ZNF687: variants seen among roughly 807,000 people sequenced by gnomAD.
ZNF687 encodes the protein zinc finger protein 687.
ZNF687 carries 13 observed loss-of-function variants against 71.8 expected under a neutral mutation model. That is an observed-to-expected ratio of 0.18 (90% CI 0.12 to 0.29). The LOEUF is 0.29. Ranked by LOEUF, ZNF687 falls within the 10% of genes least tolerant of loss-of-function variation. ZNF687 has a pLI of 1.00. For missense variants in ZNF687, 1,412 were observed against 1,625.6 expected, an observed-to-expected ratio of 0.87 and a Z score of 2.26; for synonymous variants, 673 against 641.6, an observed-to-expected ratio of 1.05 and a Z score of -0.74.
upstream of ZNF687, chr1:151,282,007 C>T (rs775854111): frequency 8.0e-7 from 1 of 1,242,926 alleles, no homozygotes; most frequent in Non-Finnish European, 1.1e-6. Context: ...TTCTAAGCGA[C>T]AGTGGCGGAG....
In ZNF687 at chr1:151,289,899, C is replaced by G. The variant is rs1694132683; in HGVS notation, c.2856C>G (p.Gly952=). 3.8e-6 allele frequency: 6 copies of G among 1,558,490 alleles called. No homozygotes were observed. The highest frequency in any genetic ancestry group is 5.2e-6 in the Non-Finnish European group (6 of 1,149,542). ...KRPRRELGSK[G]LKGGGGGPGG... ...CTCGGCGGGAACTAGGGAGCAAAGGCCTCAAGGGTGGGGGTGGGGGGCCTG... is the reference window on the plus strand; with the variant it reads ...CTCGGCGGGAACTAGGGAGCAAAGGGCTCAAGGGTGGGGGTGGGGGGCCTG... Residue 952 remains glycine (G), a synonymous_variant, in exon 6 of 9, where the codon GGC becomes GGG. Coordinates refer to ENST00000336715, the MANE Select transcript of ZNF687 (RefSeq NM_020832.3).
chr1:151,282,474 C>G (rs1347522384), intron 1 of ZNF687, 79 bp downstream of exon 1: 22 of 949,900 alleles, frequency 2.3e-5, no homozygotes, highest in Middle Eastern at 5.4e-4. Context: ...GCCCCTCCCC[C>G]ACTTGGTCAA....
rs1476000146 is a variant in ZNF687, at chr1:151,290,523, T to G, written c.3169T>G (p.Ser1057Ala). The change falls in exon 8 of 9, where the codon TCC becomes GCC. Residue 1057 changes from serine to alanine, a missense_variant. Ser to Ala is a moderately conservative substitution (Grantham distance 99). This residue lies in a region of ZNF687 where 284 missense variants were observed against 359.2 expected (regional missense o/e 0.79). Coordinates refer to ENST00000336715, the MANE Select transcript of ZNF687 (RefSeq NM_020832.3). ...VRHGLQLGAQSPGRGTTLARG... is the reference protein window; with the variant it reads ...VRHGLQLGAQAPGRGTTLARG... ...GCACGGCTTGCAGCTTGGGGCCCAG[T>G]CCCCTGGCCGGGGGACCACCTTGGC... 6.2e-7 allele frequency: 1 copy of G among 1,613,640 alleles called. No homozygotes were observed. Among genetic ancestry groups the G allele is most frequent in the Non-Finnish European group, 8.5e-7 (1 of 1,179,938 alleles).
At position 151,286,930 on chromosome 1, in the gene ZNF687, T is replaced by G; in HGVS notation, c.639T>G (p.Val213=). The change falls in exon 2 of 9, where the codon GTT becomes GTG. Residue 213 remains valine, a synonymous_variant. Transcript: ENST00000336715. ...QENGPGMQPP[V]SSPPLGALKQ... is the part of the protein sequence containing the mutation. ...ATGGCCCAGGCATGCAGCCACCTGTTTCTTCCCCACCATTGGGGGCCTTGA... is the reference window on the plus strand; with the variant it reads ...ATGGCCCAGGCATGCAGCCACCTGTGTCTTCCCCACCATTGGGGGCCTTGA... The G allele has an allele frequency of 6.2e-7, 1 of 1,612,708 alleles. No homozygotes were observed. The highest frequency in any genetic ancestry group is 1.1e-5 in the South Asian group (1 of 90,894).
At chr1:151,284,347 G>A (rs1693855822) in intron 1 of ZNF687, 1 of 827,332 alleles carries the variant, frequency 1.2e-6, no homozygotes, top group African/African-American at 1.8e-5. Flanking sequence ...GGAGGGCCAG[G>A]CACTCTGGGG....
At chr1:151,283,346 C>T in intron 1 of ZNF687, 1 of 973,706 alleles carries the variant, frequency 1.0e-6, no homozygotes, top group African/African-American at 1.8e-5. Flanking sequence ...TCGACCTGGG[C>T]CTGTTCAGCC....
At chr1:151,282,509 C>A in intron 1 of ZNF687, 114 bp downstream of exon 1, 1 of 785,110 alleles carries the variant, frequency 1.3e-6, no homozygotes, top group Non-Finnish European at 1.5e-6. Context: ...GCGCCGCCCC[C>A]TGGGGCGGCT....
In ZNF687 at chr1:151,287,686, G is replaced by A; in HGVS notation, c.1395G>A (p.Val465=). 6.2e-7 allele frequency: 1 copy of A among 1,613,598 alleles called. No homozygotes were observed. The highest frequency in any genetic ancestry group is 1.1e-5 in the South Asian group (1 of 91,040). Residue 465 remains valine (V), a synonymous_variant, in exon 2 of 9, where the codon GTG becomes GTA. Transcript: ENST00000336715. The surrounding 1 kb of genome is among the most constrained non-coding windows in gnomAD (Gnocchi z 5.0). ...RAGLGTGGQK[V]NGASVVMVQP... ...GGCTGGGGACTGGGGGACAGAAGGTGAATGGTGCCTCGGTGGTGATGGTGC... is the reference window on the plus strand; with the variant it reads ...GGCTGGGGACTGGGGGACAGAAGGTAAATGGTGCCTCGGTGGTGATGGTGC...
In ZNF687 at chr1:151,287,451, G is replaced by A; in HGVS notation, c.1160G>A (p.Ser387Asn). ...ACTTCTGAGGGTCCAAAGGTGGTGA[G>A]CGTACAGTTGGGTGATGGTACAAGG... is the stretch of plus-strand genomic sequence containing the variant. ...TPTSEGPKVV[S>N]VQLGDGTRLK... The change falls in exon 2 of 9, where the codon AGC becomes AAC. Residue 387 changes from serine to asparagine, a missense_variant. Around this residue, in one of 8 missense-constraint regions of ZNF687, gnomAD observed 490 missense variants for 489.9 expected, o/e 1.00. Transcript: ENST00000336715. This position sits in a 1 kb window ranked among gnomAD's most constrained non-coding sequence, Gnocchi z 5.0. 1 of 1,614,192 alleles carries A rather than the reference G, an allele frequency of 6.2e-7. No homozygotes were observed. The highest frequency in any genetic ancestry group is 1.1e-5 in the South Asian group (1 of 91,082).
intron 1 of ZNF687, 51 bp downstream of exon 1, chr1:151,282,446 G>T: frequency 1.0e-6 from 1 of 983,310 alleles, no homozygotes; most frequent in Non-Finnish European, 1.2e-6. Context: ...CCCTTGGGGG[G>T]GGCGGGTAAA....
chr1:151,288,077 C>T lies in ZNF687; in HGVS notation c.1786C>T (p.His596Tyr). 1.2e-6 allele frequency: 2 copies of T among 1,614,052 alleles called. No homozygotes were observed. Among genetic ancestry groups the T allele is most frequent in the Non-Finnish European group, 1.7e-6 (2 of 1,180,048 alleles). ...KDKGLVMQCS[H>Y]LVMRPVALDQ... ...CAAGGGGCTCGTCATGCAGTGCTCA[C>T]ATTTGGTCATGAGGCCTGTAGCCCT... The change falls in exon 2 of 9, where the codon CAT (histidine) becomes TAT (tyrosine). Residue 596 changes from histidine to tyrosine, a missense_variant. His to Tyr is a moderately conservative substitution (Grantham distance 83, BLOSUM62 2). This residue lies in a region of ZNF687 where 207 missense variants were observed against 239.2 expected (regional missense o/e 0.87). Coordinates refer to ENST00000336715, the MANE Select transcript of ZNF687 (RefSeq NM_020832.3).
Position 151,290,831 on chromosome 1 carries a change from G to A in ZNF687, c.3336G>A (p.Leu1112=), listed in dbSNP as rs1369529888. The A allele has an allele frequency of 1.2e-6, 2 of 1,614,000 alleles. No individual in the cohort carries two copies. The highest frequency in any genetic ancestry group is 1.1e-5 in the South Asian group (1 of 91,082). ...CTGGATCTGGAGGCCATGGCCCTCT[G>A]CGCTACCGGAGCAGCAGCTCCACAG... ...GGPGSGGHGP[L]RYRSSSSTEQ... The change falls in exon 9 of 9, where the codon CTG becomes CTA. Residue 1112 remains leucine (L), a synonymous_variant. Transcript: ENST00000336715.
upstream of ZNF687, chr1:151,281,864 G>C (rs1693724747): frequency 2.3e-6 from 1 of 425,662 alleles, no homozygotes; most frequent in Non-Finnish European, 4.3e-6. Context: ...CCACCACACA[G>C]AAGCTGGGTT....
rs768633045 is a variant in ZNF687, at chr1:151,289,970, A to T, written c.2927A>T (p.Asp976Val). 1.3e-5 allele frequency: 21 copies of T among 1,578,756 alleles called. No homozygotes were observed. The highest frequency in any genetic ancestry group is 1.8e-5 in the Non-Finnish European group (21 of 1,159,852). Residue 976 changes from aspartate to valine, a missense_variant, in exon 6 of 9, where the codon GAT becomes GTT. Asp to Val is a radical substitution (Grantham distance 152). Coordinates refer to ENST00000336715, the MANE Select transcript of ZNF687 (RefSeq NM_020832.3). Reference sequence around the variant, plus strand: ...TGTCACTCCTGGTTCCCTGAGCGTGATGAATACGTGGCCCACATGAAGAAG... The same window carrying T: ...TGTCACTCCTGGTTCCCTGAGCGTGTTGAATACGTGGCCCACATGAAGAAG... ...GLCHSWFPER[D>V]EYVAHMKKEH... is the part of the protein sequence containing the mutation.
chr1:151,285,839 AGCT>A (rs1272610037), intron 1 of ZNF687: 2 of 153,292 alleles, frequency 1.3e-5, no homozygotes, highest in East Asian at 3.8e-4. Context: ...CCTCCTTTGT[AGCT>A]GCGATTACAG....
rs1264046023 is a variant in ZNF687, at chr1:151,290,577, G to A, written c.3219+4G>A. 6.2e-7 allele frequency: 1 copy of A among 1,612,530 alleles called. No individual in the cohort carries two copies. Among genetic ancestry groups the A allele is most frequent in the East Asian group, 2.2e-5 (1 of 44,884 alleles). ...GGGTTCCAGTGCCAGAGCCCAGGTA[G>A]GCAGAGGCCCGGCCTGCTGTGCTAG... On this transcript the variant is annotated splice_donor_region_variant and intron_variant, in intron 8 of 8. Transcript: ENST00000336715.
Position 151,289,928 on chromosome 1 carries a change from G to A in ZNF687, c.2885G>A (p.Gly962Asp), listed in dbSNP as rs1172346106. The change falls in exon 6 of 9, where the codon GGC becomes GAC. Residue 962 changes from glycine to aspartate, a missense_variant. Gly to Asp is a moderately conservative substitution (Grantham distance 94). Transcript: ENST00000336715. Reference protein sequence around the residue: ...GLKGGGGGPGGWTCGLCHSWF... With the variant: ...GLKGGGGGPGDWTCGLCHSWF... ...AAGGGTGGGGGTGGGGGGCCTGGAG[G>A]CTGGACCTGTGGCCTGTGTCACTCC... is the stretch of plus-strand genomic sequence containing the variant. 2.6e-6 allele frequency: 4 copies of A among 1,561,228 alleles called. No individual in the cohort carries two copies. The highest frequency in any genetic ancestry group is 2.7e-5 in the African/African-American group (2 of 73,452).
rs1557771235 is a variant in ZNF687, at chr1:151,288,064, C to T, written c.1773C>T (p.Val591=). 6.2e-7 allele frequency: 1 copy of T among 1,614,060 alleles called. No homozygotes were observed. ...GTGAACACAAGGACAAGGGGCTCGT[C>T]ATGCAGTGCTCACATTTGGTCATGA... The part of the protein sequence containing the change: ...HAREHKDKGL[V]MQCSHLVMRP... The change falls in exon 2 of 9, where the codon GTC becomes GTT. Residue 591 remains valine, a synonymous_variant. Coordinates refer to ENST00000336715, the MANE Select transcript of ZNF687 (RefSeq NM_020832.3).
chr1:151,291,329 C>G lies in ZNF687; in HGVS notation c.*120C>G, dbSNP rs1694239091. 1 of 1,286,982 alleles carries G rather than the reference C, an allele frequency of 7.8e-7. No individual in the cohort carries two copies. Among genetic ancestry groups the G allele is most frequent in the East Asian group, 2.5e-5 (1 of 39,928 alleles). The allele number at this position is 1,286,982 out of a possible 1,614,324, so 79.7% of individuals were successfully genotyped here. On this transcript the variant is annotated 3_prime_UTR_variant, in exon 9 of 9. Coordinates refer to ENST00000336715, the MANE Select transcript of ZNF687 (RefSeq NM_020832.3). ...TAATATTTTGTTAATTCCTGTCTCT[C>G]CAACCTGAAGAAGAAGAGCATTTGA... is the stretch of plus-strand genomic sequence containing the variant.
Sources: gnomAD v4.1 joint callset for allele counts on GRCh38, gnomAD v4.1.1 for gene constraint, gnomAD v4.1.1 regional missense constraint, Gnocchi (gnomAD v3.1) non-coding constraint, MANE v1.5 for transcripts, NCBI Gene and HGNC (gene_info 2026-07-23, HGNC 2026-07-21) for gene names.